The following SEMA3E variants were observed in gnomAD, a reference collection of about 807,000 sequenced individuals.
SEMA3E encodes the protein semaphorin 3E, also known as semaphorin-3E.
A neutral mutation model predicts 93.6 loss-of-function variants in SEMA3E; 49 were observed. That is an observed-to-expected ratio of 0.52 (90% CI 0.42 to 0.66). The LOEUF is 0.66. SEMA3E is among the 30% of genes least tolerant of loss of function. The probability of loss-of-function intolerance (pLI) is 0.00; values close to 1 mark genes in which losing one functional copy is unlikely to be tolerated. For synonymous variants in SEMA3E, 363 were observed against 330.7 expected (o/e 1.10, Z -1.06); for missense variants, 906 against 964.8 (o/e 0.94, Z 0.81).
chr7:83,533,190 G>T (rs1791340648), intron 1 of SEMA3E, among the ~76,000 whole-genome samples: 1 of 152,040 alleles, frequency 6.6e-6, no homozygotes. Flanking sequence ...CAACCTAAAA[G>T]GGGAAGTTCC....
intron 1 of SEMA3E, among the ~76,000 whole-genome samples, chr7:83,498,929 A>C (rs535087355): frequency 6.6e-6 from 1 of 152,298 alleles, no homozygotes; most frequent in South Asian, 2.1e-4. Flanking sequence ...AATCTTGGGC[A>C]TTCCTTCAAG....
chr7:83,521,940 C>T (rs766151188), intron 1 of SEMA3E, among the ~76,000 whole-genome samples: 17 of 152,026 alleles, frequency 1.1e-4, no homozygotes, highest in South Asian at 4.1e-4. Context: ...AATTAAGCCA[C>T]GTGATATCTA....
chr7:83,418,094 G>C (rs1312527580), intron 5 of SEMA3E, among the ~76,000 whole-genome samples: 1 of 152,070 alleles, frequency 6.6e-6, no homozygotes, highest in Non-Finnish European at 1.5e-5. Flanking sequence ...TTTTTATAAA[G>C]TCTTCATATA....
intron 1 of SEMA3E, among the ~76,000 whole-genome samples, chr7:83,638,550 A>G (rs924803071): frequency 1.3e-5 from 2 of 152,212 alleles, no homozygotes; most frequent in Admixed American, 6.5e-5. Flanking sequence ...ATTGTCATCA[A>G]TGAATAGGCA....
intron 2 of SEMA3E, among the ~76,000 whole-genome samples, chr7:83,485,408 C>A (rs959247990): frequency 6.6e-6 from 1 of 152,030 alleles, no homozygotes; most frequent in Non-Finnish European, 1.5e-5. Flanking sequence ...GGAACTTGCC[C>A]AATATTATAC....
intron 5 of SEMA3E, among the ~76,000 whole-genome samples, chr7:83,416,984 T>TACACACACACAC (rs71522659): frequency 8.8e-6 from 1 of 113,668 alleles, no homozygotes; most frequent in Non-Finnish European, 2.0e-5. Flanking sequence ...ACTCTGTTTA[T>TACACACACACAC]ACACACACAC....
At chr7:83,442,597 CTT>C (rs1406334956) in intron 4 of SEMA3E, among the ~76,000 whole-genome samples, 2 of 152,014 alleles carry the variant, frequency 1.3e-5, no homozygotes, top group African/African-American at 4.8e-5. Flanking sequence ...TTATTTTTCT[CTT>C]TTCTTTTTTC....
At chr7:83,548,815 C>T (rs1791703583) in intron 1 of SEMA3E, among the ~76,000 whole-genome samples, 1 of 152,050 alleles carries the variant, frequency 6.6e-6, no homozygotes, top group African/African-American at 2.4e-5. Flanking sequence ...AATAAGAGTC[C>T]TCACTACTCC....
chr7:83,414,334 C>A (rs1381188375), intron 5 of SEMA3E, among the ~76,000 whole-genome samples: 2 of 144,030 alleles, frequency 1.4e-5, no homozygotes, highest in South Asian at 2.4e-4. Flanking sequence ...TAAAAATAAA[C>A]AATTATTTAT....
At chr7:83,463,101 T>C (rs951535508) in intron 4 of SEMA3E, among the ~76,000 whole-genome samples, 2 of 150,404 alleles carry the variant, frequency 1.3e-5, no homozygotes, top group African/African-American at 4.9e-5. Context: ...CTCGGCATAA[T>C]TCTCATAAAA....
At chr7:83,427,692 A>G (rs533574066) in intron 4 of SEMA3E, among the ~76,000 whole-genome samples, 4 of 152,172 alleles carry the variant, frequency 2.6e-5, no homozygotes, top group Non-Finnish European at 5.9e-5. Flanking sequence ...GCACAACCCA[A>G]TAAAATACTA....
At chr7:83,558,669 A>C (rs1791968150) in intron 1 of SEMA3E, among the ~76,000 whole-genome samples, 1 of 152,218 alleles carries the variant, frequency 6.6e-6, no homozygotes, top group African/African-American at 2.4e-5. Flanking sequence ...ATTTTAATAA[A>C]AATATGGCTA....
In SEMA3E at chr7:83,368,006, G is replaced by A; in HGVS notation, c.1908C>T (p.Asp636=). ...GTAACCTTAGGAAGAGTAAACCAAG[G>A]TCCATCTTAACCACTCTGTCATCTG... ...VKTDDRVVKM[D]LGLLFLRLHK... The change falls in exon 17 of 17, where the codon GAC becomes GAT. Residue 636 remains aspartate, a synonymous_variant. Transcript: ENST00000643230. 2 of 1,613,904 alleles carry A rather than the reference G, an allele frequency of 1.2e-6. No individual in the cohort carries two copies. Among genetic ancestry groups the A allele is most frequent in the Non-Finnish European group, 1.7e-6 (2 of 1,179,962 alleles).
chr7:83,492,913 T>C (rs947120382), intron 1 of SEMA3E, among the ~76,000 whole-genome samples: 8 of 152,056 alleles, frequency 5.3e-5, no homozygotes, highest in South Asian at 2.1e-4. Context: ...AGAATTAAAG[T>C]ATAACAGGTG....
At chr7:83,461,613 G>T (rs1268928638) in intron 4 of SEMA3E, among the ~76,000 whole-genome samples, 1 of 152,152 alleles carries the variant, frequency 6.6e-6, no homozygotes, top group Non-Finnish European at 1.5e-5. Context: ...CCCAGTTCAT[G>T]GCTCGTTTGG....
intron 1 of SEMA3E, among the ~76,000 whole-genome samples, chr7:83,628,073 T>G (rs1452129975): frequency 6.6e-6 from 1 of 152,182 alleles, no homozygotes; most frequent in Non-Finnish European, 1.5e-5. Flanking sequence ...CCTTCACTTA[T>G]GAAGCTTAGT....
At chr7:83,514,982 T>C (rs554754490) in intron 1 of SEMA3E, among the ~76,000 whole-genome samples, 49 of 152,306 alleles carry the variant, frequency 3.2e-4, no homozygotes, top group Non-Finnish European at 5.9e-4. Context: ...TGAGGAAAAC[T>C]ATTTTTTCCA....
chr7:83,635,789 CTA>C (rs1793871045), intron 1 of SEMA3E, among the ~76,000 whole-genome samples: 1 of 151,206 alleles, frequency 6.6e-6, no homozygotes, highest in Non-Finnish European at 1.5e-5. Flanking sequence ...TTCCTTCTCA[CTA>C]TGTTACTACC....
At chr7:83,527,946 A>G (rs919149359) in intron 1 of SEMA3E, among the ~76,000 whole-genome samples, 1 of 152,116 alleles carries the variant, frequency 6.6e-6, no homozygotes, top group Non-Finnish European at 1.5e-5. Context: ...AAAAAGAATA[A>G]GTTAGTTATA....
Sources: allele counts gnomAD v4.1 joint callset (sites outside exome capture counted in the v4.1 genomes callset), GRCh38; gene constraint gnomAD v4.1.1; transcripts MANE v1.5; gene names NCBI Gene and HGNC (gene_info 2026-07-23, HGNC 2026-07-21).